Variants in CWF19L2 observed in about 807,000 individuals in gnomAD.
CWF19L2 encodes CWF19-like protein 2.
In CWF19L2, 98 loss-of-function variants were observed where a neutral mutation model predicts 111.7. The ratio of observed to expected loss-of-function variants is 0.88; its 90% CI spans 0.75 to 1.04. CWF19L2 has a LOEUF of 1.04. Ranked by LOEUF, CWF19L2 falls within the 50% of genes least tolerant of loss-of-function variation. The pLI is 0.00. For missense variants in CWF19L2, 1,101 were observed against 1,051.4 expected, an observed-to-expected ratio of 1.05 and a Z score of -0.65; for synonymous variants, 351 against 342.9, an observed-to-expected ratio of 1.02 and a Z score of -0.26.
chr11:107,390,924 C>T (rs545433310), intron 11 of CWF19L2, among the ~76,000 whole-genome samples: 1 of 152,270 alleles, frequency 6.6e-6, no homozygotes, highest in Non-Finnish European at 1.5e-5. Flanking sequence ...GCCAGCGAGT[C>T]AGAGATGTTG....
chr11:107,416,279 T>G lies in CWF19L2; in HGVS notation c.1547A>C (p.Lys516Thr). Reference protein sequence around the residue: ...MGNMELAEQLKVQLEKANKFK... With the variant: ...MGNMELAEQLTVQLEKANKFK... ...TTTATTTGCCTTTTCAAGTTGAACT[T>G]TAAGTTGTTCAGCTAATTCCTTCAA... is the stretch of plus-strand genomic sequence containing the variant. The change falls in exon 10 of 18, where the codon AAA (lysine) becomes ACA (threonine). Residue 516 changes from lysine to threonine, a missense_variant. By Grantham distance (78) the Lys-to-Thr change is moderately conservative (BLOSUM62 -1). Transcript: ENST00000282251. 6.8e-7 allele frequency: 1 copy of G among 1,472,944 alleles called. No homozygotes were observed. Among genetic ancestry groups the G allele is most frequent in the Non-Finnish European group, 9.1e-7 (1 of 1,098,278 alleles). The allele number at this position is 1,472,944 out of a possible 1,614,324, so 91.2% of individuals were successfully genotyped here. A position where few individuals can be genotyped will look rare whatever the true frequency, so the allele number is the denominator to read the frequency against.
intron 12 of CWF19L2, among the ~76,000 whole-genome samples, chr11:107,378,402 T>C (rs1273102020): frequency 6.6e-6 from 1 of 151,334 alleles, no homozygotes; most frequent in East Asian, 1.9e-4. Context: ...ATTAAGAAAA[T>C]GTGGCACATA....
chr11:107,386,589 C>T (rs1860769762), intron 12 of CWF19L2, among the ~76,000 whole-genome samples: 1 of 152,130 alleles, frequency 6.6e-6, no homozygotes, highest in Non-Finnish European at 1.5e-5. Flanking sequence ...CTGACACAGT[C>T]ATTCACAGCC....
At chr11:107,426,795 C>T (rs1172798814) in intron 8 of CWF19L2, among the ~76,000 whole-genome samples, 6 of 151,436 alleles carry the variant, frequency 4.0e-5, no homozygotes, top group East Asian at 3.9e-4. Flanking sequence ...AAATTTTATA[C>T]ATTAAGTTAA....
intron 5 of CWF19L2, among the ~76,000 whole-genome samples, chr11:107,440,945 T>C (rs1228450562): frequency 6.6e-6 from 1 of 152,190 alleles, no homozygotes; most frequent in Non-Finnish European, 1.5e-5. Context: ...AAGAAACATA[T>C]GCTCCTGGTA....
At chr11:107,349,254 G>A (rs1423707591) in intron 13 of CWF19L2, among the ~76,000 whole-genome samples, 1 of 152,092 alleles carries the variant, frequency 6.6e-6, no homozygotes, top group Non-Finnish European at 1.5e-5. Context: ...AAGGCATCAG[G>A]ATAGCTTTTA....
intron 10 of CWF19L2, among the ~76,000 whole-genome samples, chr11:107,396,784 C>A (rs933513761): frequency 3.9e-5 from 6 of 152,142 alleles, no homozygotes; most frequent in African/African-American, 1.4e-4. Context: ...GACCCACAGA[C>A]CCTCTCTGAA....
chr11:107,381,640 T>G (rs1565261701), intron 12 of CWF19L2, among the ~76,000 whole-genome samples: 1 of 152,170 alleles, frequency 6.6e-6, no homozygotes, highest in African/African-American at 2.4e-5. Flanking sequence ...TGCAATAAGC[T>G]GGCAATTTCA....
intron 1 of CWF19L2, 31 bp from the exon 2 acceptor site, chr11:107,455,807 G>T: frequency 1.5e-6 from 2 of 1,368,416 alleles, no homozygotes; most frequent in Non-Finnish European, 2.0e-6. Flanking sequence ...AAGACAAACT[G>T]GCAATTGACC....
At chr11:107,351,634 T>A (rs776579909) in intron 13 of CWF19L2, among the ~76,000 whole-genome samples, 1 of 152,216 alleles carries the variant, frequency 6.6e-6, no homozygotes, top group Non-Finnish European at 1.5e-5. Flanking sequence ...AAGTCTTCTA[T>A]AGTAGATTGC....
intron 8 of CWF19L2, among the ~76,000 whole-genome samples, chr11:107,419,635 C>T (rs887327471): frequency 2.0e-5 from 3 of 152,066 alleles, no homozygotes; most frequent in African/African-American, 7.2e-5. Context: ...CCAAAATAAA[C>T]TTTTACAGAT....
chr11:107,390,122 CATCTT>C lies in CWF19L2; in HGVS notation c.1819_1823del (p.Lys607GlyfsTer16), dbSNP rs1860826234. 6.2e-7 allele frequency: 1 copy of C among 1,612,588 alleles called. No homozygotes were observed. The highest frequency in any genetic ancestry group is 1.3e-5 in the African/African-American group (1 of 74,868). On this transcript the variant is annotated frameshift_variant, in exon 12 of 18. Coordinates refer to ENST00000282251, the MANE Select transcript of CWF19L2 (RefSeq NM_152434.3). LOFTEE classifies it high-confidence loss of function. Reference sequence around the variant, plus strand: ...GCTTGTTTTGATTTTCTGCTGTTCCCATCTTTTCATTTTTGACTAAATCATTTAGG... The same window carrying C: ...GCTTGTTTTGATTTTCTGCTGTTCCCTTCATTTTTGACTAAATCATTTAGG...
chr11:107,433,792 TA>T, intron 6 of CWF19L2, 43 bp from the exon 7 acceptor site: 1 of 860,396 alleles, frequency 1.2e-6, no homozygotes, highest in Non-Finnish European at 1.7e-6. Context: ...TTAATGTGGT[TA>T]TCATACAATT....
chr11:107,429,347 T>C lies in CWF19L2; in HGVS notation c.885A>G (p.Lys295=). The C allele has an allele frequency of 6.2e-7, 1 of 1,604,228 alleles. No individual in the cohort carries two copies. Among genetic ancestry groups the C allele is most frequent in the Non-Finnish European group, 8.5e-7 (1 of 1,174,078 alleles). ...ERWRKPTYSD[K]AQNCQESRES... Reference sequence around the variant, plus strand: ...CTCTACTTTCTTGACAATTTTGTGCTTTATCTGAATATGTGGGTTTCCTCC... The same window carrying C: ...CTCTACTTTCTTGACAATTTTGTGCCTTATCTGAATATGTGGGTTTCCTCC... Residue 295 remains lysine (K), a synonymous_variant, in exon 8 of 18, where the codon AAA becomes AAG. Coordinates refer to ENST00000282251, the MANE Select transcript of CWF19L2 (RefSeq NM_152434.3).
intron 12 of CWF19L2, among the ~76,000 whole-genome samples, chr11:107,381,252 T>C (rs921153376): frequency 1.3e-5 from 2 of 152,182 alleles, no homozygotes; most frequent in African/African-American, 4.8e-5. Context: ...TATGTATATT[T>C]TGCCATAAAA....
At chr11:107,374,064 T>C (rs1443001727) in intron 12 of CWF19L2, among the ~76,000 whole-genome samples, 1 of 135,918 alleles carries the variant, frequency 7.4e-6, no homozygotes, top group African/African-American at 3.0e-5. Context: ...AAGGGAAGTT[T>C]AGAGAAAAAA....
intron 12 of CWF19L2, among the ~76,000 whole-genome samples, chr11:107,372,711 A>G (rs1860529910): frequency 7.4e-6 from 1 of 135,524 alleles, no homozygotes; most frequent in African/African-American, 3.0e-5. Flanking sequence ...ATGCTAGAAA[A>G]CTAGTTAGAA....
At chr11:107,439,205 G>C (rs1861586488) in intron 5 of CWF19L2, 22 bp from the exon 6 acceptor site, 1 of 1,459,710 alleles carries the variant, frequency 6.9e-7, no homozygotes, top group African/African-American at 1.4e-5. Flanking sequence ...TATTTTCAGA[G>C]GTGAAATTTC....
intron 10 of CWF19L2, among the ~76,000 whole-genome samples, chr11:107,414,421 C>T (rs1376320828): frequency 5.3e-5 from 8 of 152,092 alleles, no homozygotes; most frequent in African/African-American, 9.7e-5. Context: ...CAACTTCTAA[C>T]TACATTTATG....
Sources: allele counts gnomAD v4.1 joint callset (sites outside exome capture counted in the v4.1 genomes callset), GRCh38; gene constraint gnomAD v4.1.1; transcripts MANE v1.5; gene names NCBI Gene and HGNC (gene_info 2026-07-23, HGNC 2026-07-21).